LRGUK: variants seen among roughly 807,000 people sequenced by gnomAD.
LRGUK encodes leucine rich repeats and guanylate kinase domain containing.
In LRGUK, 65 loss-of-function variants were observed where a neutral mutation model predicts 76.0. The observed-to-expected ratio is 0.85, with a 90% confidence interval of 0.70 to 1.05. LRGUK has a LOEUF of 1.05. LRGUK is among the 50% of genes least tolerant of loss of function. LRGUK has a pLI of 0.00. For synonymous variants in LRGUK, 268 were observed against 265.6 expected (o/e 1.01, Z -0.09); for missense variants, 758 against 732.8 (o/e 1.03, Z -0.40).
downstream of LRGUK, among the ~76,000 whole-genome samples, chr7:134,212,320 G>T (rs1801305433): frequency 6.6e-6 from 1 of 152,208 alleles, no homozygotes; most frequent in African/African-American, 2.4e-5. Flanking sequence ...GACAACTCAA[G>T]ATGTGACTCT....
At chr7:134,153,087 AAAAT>A (rs1190682708) in intron 5 of LRGUK, among the ~76,000 whole-genome samples, 3 of 152,184 alleles carry the variant, frequency 2.0e-5, no homozygotes, top group South Asian at 2.1e-4. Context: ...TATATTTTTA[AAAAT>A]AAATAAAATC....
At chr7:134,141,176 CTG>C (rs1375972118) in intron 3 of LRGUK, among the ~76,000 whole-genome samples, 1 of 152,204 alleles carries the variant, frequency 6.6e-6, no homozygotes, top group African/African-American at 2.4e-5. Context: ...AGTTCGTCAA[CTG>C]TTTGAAAGCC....
chr7:134,210,026 C>G, exon 16 of LRGUK: 1 of 399,844 alleles, frequency 2.5e-6, no homozygotes, highest in Non-Finnish European at 4.4e-6. Context: ...GAGGAAGATT[C>G]CAGACATGCG....
At position 134,251,982 on chromosome 7, in the gene LRGUK, A is replaced by T. The variant is rs142217838; in HGVS notation, c.2198+2906A>T. On this transcript the variant is annotated intron_variant, in intron 18 of 19. Transcript: ENST00000285928. Reference sequence around the variant, plus strand: ...AGTGCTTCTTGGGCAAGCTCAGTAAACCTAGGTGGGAGCAAGAGATTGGGA... The same window carrying T: ...AGTGCTTCTTGGGCAAGCTCAGTAATCCTAGGTGGGAGCAAGAGATTGGGA... Among the ~76,000 whole-genome samples the T allele has an allele frequency of 1.4e-3, 210 of 152,218 alleles. 1 individual carries two copies. The highest frequency in any genetic ancestry group is 4.8e-3 in the African/African-American group (198 of 41,522).
At chr7:134,206,357 A>G (rs990055208) in intron 15 of LRGUK, among the ~76,000 whole-genome samples, 2 of 152,156 alleles carry the variant, frequency 1.3e-5, no homozygotes, top group Admixed American at 1.3e-4. Context: ...TCTACTAAAA[A>G]TACAAAAATT....
chr7:134,260,065 C>T (rs1802681730), intron 19 of LRGUK, among the ~76,000 whole-genome samples: 1 of 152,086 alleles, frequency 6.6e-6, no homozygotes, highest in Non-Finnish European at 1.5e-5. Flanking sequence ...ATCAGAAGAC[C>T]TGTGTTCTAA....
chr7:134,224,762 G>A (rs1359715914), intron 16 of LRGUK, among the ~76,000 whole-genome samples: 3 of 152,092 alleles, frequency 2.0e-5, no homozygotes, highest in African/African-American at 7.2e-5. Flanking sequence ...ATTAAAGAGA[G>A]TGCTGGTTGG....
chr7:134,240,022 G>A (rs572507138), intron 16 of LRGUK, among the ~76,000 whole-genome samples: 1 of 152,286 alleles, frequency 6.6e-6, no homozygotes, highest in African/African-American at 2.4e-5. Flanking sequence ...CAAACAGAAA[G>A]GACATCCACA....
chr7:134,199,084 GCTAA>G (rs1426746780), intron 13 of LRGUK, 132 bp from the exon 14 acceptor site: 6 of 588,486 alleles, frequency 1.0e-5, no homozygotes, highest in Non-Finnish European at 2.9e-6. Context: ...AAAAATAGTA[GCTAA>G]CTATACAGAT....
intron 19 of LRGUK, among the ~76,000 whole-genome samples, chr7:134,262,370 T>C (rs565030428): frequency 6.6e-6 from 1 of 152,176 alleles, no homozygotes; most frequent in Non-Finnish European, 1.5e-5. Context: ...CGAGACTCTG[T>C]CTCAAAAATA....
At chr7:134,233,065 A>C (rs1801938475) in intron 16 of LRGUK, among the ~76,000 whole-genome samples, 1 of 152,136 alleles carries the variant, frequency 6.6e-6, no homozygotes, top group Non-Finnish European at 1.5e-5. Context: ...AACCAACCCT[A>C]TCAGTGAGAG....
chr7:134,180,318 ATCCATC>A (rs1799686965), intron 10 of LRGUK, among the ~76,000 whole-genome samples: 1 of 151,730 alleles, frequency 6.6e-6, no homozygotes. Flanking sequence ...CCATCCATCC[ATCCATC>A]CATCCATCCA....
chr7:134,213,877 A>G (rs1274318859), downstream of LRGUK, among the ~76,000 whole-genome samples: 1 of 152,228 alleles, frequency 6.6e-6, no homozygotes, highest in Non-Finnish European at 1.5e-5. Context: ...TTTTCCATCT[A>G]TATTTACAAG....
At chr7:134,261,917 T>TGG (rs1444560540) in intron 19 of LRGUK, among the ~76,000 whole-genome samples, 8 of 152,258 alleles carry the variant, frequency 5.3e-5, no homozygotes, top group Non-Finnish European at 8.8e-5. Flanking sequence ...AGGCCCGATT[T>TGG]GGCCTATGTG....
chr7:134,258,329 C>G, exon 19 of LRGUK: 1 of 1,614,068 alleles, frequency 6.2e-7, no homozygotes, highest in Non-Finnish European at 8.5e-7. Context: ...AATTGCCTTT[C>G]CAGCCTCCGG....
chr7:134,267,395 A>G (rs993021112), downstream of LRGUK, among the ~76,000 whole-genome samples: 1 of 152,192 alleles, frequency 6.6e-6, no homozygotes, highest in African/African-American at 2.4e-5. Flanking sequence ...GATGGCAACA[A>G]TAGACACTGG....
At chr7:134,175,547 A>C (rs1258976574) in intron 8 of LRGUK, among the ~76,000 whole-genome samples, 1 of 152,210 alleles carries the variant, frequency 6.6e-6, no homozygotes, top group South Asian at 2.1e-4. Flanking sequence ...ATGCATGAAT[A>C]AGCATCACAA....
exon 10 of LRGUK, chr7:134,178,570 T>A: frequency 6.2e-7 from 1 of 1,613,488 alleles, no homozygotes; most frequent in Non-Finnish European, 8.5e-7. Flanking sequence ...CTGACCCATG[T>A]TGTCAACAGC....
intron 5 of LRGUK, among the ~76,000 whole-genome samples, chr7:134,149,189 T>C (rs1476844240): frequency 1.3e-5 from 2 of 151,522 alleles, no homozygotes; most frequent in Non-Finnish European, 2.9e-5. Context: ...GCAGAGCACC[T>C]CCTTTAAAGA....
Sources: gnomAD v4.1 joint callset for allele counts (sites outside exome capture counted in the v4.1 genomes callset) on GRCh38, gnomAD v4.1.1 for gene constraint, MANE v1.5 for transcripts, NCBI Gene and HGNC (gene_info 2026-07-23, HGNC 2026-07-21) for gene names.